CFAP61: variants seen among roughly 807,000 people sequenced by gnomAD.
CFAP61 encodes the protein cilia and flagella associated protein 61.
A neutral mutation model predicts 135.6 loss-of-function variants in CFAP61; 107 were observed. That is an observed-to-expected ratio of 0.79 (90% CI 0.67 to 0.93). The LOEUF is 0.93. Among genes scored for constraint, CFAP61 ranks in the 40% least tolerant of loss-of-function variants. The pLI, the probability that CFAP61 is intolerant of heterozygous loss-of-function variation, is 0.00. For missense variants in CFAP61, 1,507 were observed against 1,556.2 expected, an observed-to-expected ratio of 0.97 and a Z score of 0.53; for synonymous variants, 575 against 578.5, an observed-to-expected ratio of 0.99 and a Z score of 0.09.
chr20:20,351,514 G>A lies in CFAP61; in HGVS notation c.3514-8696G>A, dbSNP rs780754290. 7.2e-4 allele frequency among the ~76,000 whole-genome samples: 109 copies of A among 151,654 alleles called. 1 individual carries two copies. Among genetic ancestry groups the A allele is most frequent in the African/African-American group, 1.5e-3 (61 of 41,240 alleles). On this transcript the variant is annotated intron_variant, in intron 26 of 26. Coordinates refer to ENST00000245957, the MANE Select transcript of CFAP61 (RefSeq NM_015585.4). ...GGAGAATCTCTTGAACCCAGGAGGC[G>A]GAGATTGCAGTGAGCCGAGATCATG... is the stretch of plus-strand genomic sequence containing the variant.
At chr20:20,296,007 TTCCC>T (rs2055414370) in intron 24 of CFAP61, among the ~76,000 whole-genome samples, 2 of 88,036 alleles carry the variant, frequency 2.3e-5, no homozygotes, top group Non-Finnish European at 2.5e-5. Flanking sequence ...CCTTCCTTCC[TTCCC>T]TCCTTTCCTT....
intron 8 of CFAP61, among the ~76,000 whole-genome samples, chr20:20,124,535 T>G (rs898139659): frequency 6.6e-6 from 1 of 151,952 alleles, no homozygotes; most frequent in African/African-American, 2.4e-5. Context: ...ATGTGGTGTA[T>G]CACATTTATT....
At chr20:20,067,276 C>A (rs1482933066) in intron 2 of CFAP61, among the ~76,000 whole-genome samples, 1 of 151,924 alleles carries the variant, frequency 6.6e-6, no homozygotes, top group Non-Finnish European at 1.5e-5. Context: ...AGTTTAAAAT[C>A]CAACATTTAA....
chr20:20,189,015 C>T (rs2055715214), intron 14 of CFAP61, among the ~76,000 whole-genome samples: 1 of 152,152 alleles, frequency 6.6e-6, no homozygotes, highest in Admixed American at 6.5e-5. Context: ...TAAGAGTCAT[C>T]CATATTATAG....
In CFAP61 at chr20:20,103,302, G is replaced by C. The variant is rs141773059; in HGVS notation, c.859+4488G>C. Among the ~76,000 whole-genome samples, 214 of 152,204 alleles carry C rather than the reference G, an allele frequency of 1.4e-3. 1 individual carries two copies. The highest frequency in any genetic ancestry group is 4.8e-3 in the African/African-American group (198 of 41,540). ...TGTTTTACCTGAATAATTTGTGTAT[G>C]TTTTCATAGCTACCCATTTTGCATG... On this transcript the variant is annotated intron_variant, in intron 8 of 26. Transcript: ENST00000245957.
At chr20:20,295,968 C>T (rs80022989) in intron 24 of CFAP61, among the ~76,000 whole-genome samples, 7,878 of 135,418 alleles carry the variant, frequency 0.058, 394 homozygotes, top group East Asian at 0.28. Context: ...CCCGCCCTTG[C>T]ACACCAACGC....
rs570219549 is a variant in CFAP61 at position 20,355,220 on chromosome 20, G to A, written c.3514-4990G>A. On this transcript the variant is annotated intron_variant, in intron 26 of 26. Coordinates refer to ENST00000245957, the MANE Select transcript of CFAP61 (RefSeq NM_015585.4). ...AGGTAGTCACACTGTGAGGGGAGGT[G>A]ATCACACTAAGGGGAGGTGGTCACA... 2.9e-5 allele frequency among the ~76,000 whole-genome samples: 4 copies of A among 137,444 alleles called. No individual in the cohort carries two copies. The East Asian group carries it at 9.5e-4, about 33-fold the overall frequency. 90.2% of individuals were successfully genotyped at this position (137,444 alleles called of 152,430 possible).
intron 6 of CFAP61, among the ~76,000 whole-genome samples, chr20:20,077,513 G>A (rs6136937): frequency 0.76 from 115,921 of 152,144 alleles, 44,539 homozygotes; most frequent in East Asian, 0.92. Flanking sequence ...GTTTGAAGAG[G>A]TTTATTCTGA....
At chr20:20,074,517 A>C in intron 4 of CFAP61, 139 bp downstream of exon 4, 1 of 692,422 alleles carries the variant, frequency 1.4e-6, no homozygotes, top group Non-Finnish European at 2.5e-6. Flanking sequence ...ATTTACTTTG[A>C]ATAGCAATGA....
At chr20:20,208,532 A>T (rs1226348114) in intron 17 of CFAP61, among the ~76,000 whole-genome samples, 1 of 152,214 alleles carries the variant, frequency 6.6e-6, no homozygotes, top group Non-Finnish European at 1.5e-5. Context: ...TGCCCCTTCC[A>T]CTTAGCATCT....
At chr20:20,144,607 GAA>G (rs11326705) in intron 9 of CFAP61, among the ~76,000 whole-genome samples, 2 of 148,168 alleles carry the variant, frequency 1.3e-5, no homozygotes, top group African/African-American at 2.5e-5. Flanking sequence ...CGCTAGGACA[GAA>G]AAAAAAAACA....
At chr20:20,081,027 T>A (rs2046397060) in intron 6 of CFAP61, among the ~76,000 whole-genome samples, 1 of 152,048 alleles carries the variant, frequency 6.6e-6, no homozygotes, top group Non-Finnish European at 1.5e-5. Flanking sequence ...GAAAAAAGGT[T>A]CCCTGTTAGA....
intron 1 of CFAP61, among the ~76,000 whole-genome samples, chr20:20,054,007 TTG>T (rs376857534): frequency 7.2e-5 from 8 of 111,348 alleles, no homozygotes; most frequent in African/African-American, 1.0e-4. Flanking sequence ...TGTGTTTTTT[TTG>T]TTTGTTTTTT....
intron 17 of CFAP61, among the ~76,000 whole-genome samples, chr20:20,212,787 G>T (rs749833872): frequency 1.3e-5 from 2 of 152,190 alleles, no homozygotes; most frequent in African/African-American, 4.8e-5. Flanking sequence ...AGGAGGCTTG[G>T]TGGTGGAGAG....
At chr20:20,052,799 T>G in intron 1 of CFAP61, 4 of 1,389,360 alleles carry the variant, frequency 2.9e-6, no homozygotes, top group East Asian at 2.5e-5. Context: ...GAAACTACCA[T>G]TCCCAGCATG....
chr20:20,285,283 T>G (rs535151493), intron 22 of CFAP61, among the ~76,000 whole-genome samples: 8 of 151,716 alleles, frequency 5.3e-5, no homozygotes, highest in South Asian at 4.2e-4. Context: ...ATGGTTTGTT[T>G]TTTTTGTTTT....
intron 22 of CFAP61, among the ~76,000 whole-genome samples, chr20:20,288,213 C>A (rs1171807864): frequency 2.0e-5 from 3 of 152,140 alleles, no homozygotes; most frequent in African/African-American, 4.8e-5. Context: ...CCTGCAGAGA[C>A]CCGAGTGTCA....
intron 25 of CFAP61, among the ~76,000 whole-genome samples, chr20:20,337,350 GTGGGTGGA>G (rs769002922): frequency 3.3e-4 from 2 of 6,026 alleles, no homozygotes; most frequent in Non-Finnish European, 4.7e-4. Context: ...AGATGGGTGG[GTGGGTGGA>G]TGGATGGATG....
chr20:20,308,548 G>A (rs1224515833), intron 25 of CFAP61, among the ~76,000 whole-genome samples: 1 of 152,114 alleles, frequency 6.6e-6, no homozygotes, highest in Non-Finnish European at 1.5e-5. Flanking sequence ...CGGCCTTGCT[G>A]GGTGAGATAA....
Sources: gnomAD v4.1 joint callset for allele counts (sites outside exome capture counted in the v4.1 genomes callset) on GRCh38, gnomAD v4.1.1 for gene constraint, MANE v1.5 for transcripts, NCBI Gene and HGNC (gene_info 2026-07-23, HGNC 2026-07-21) for gene names.